SEMA5B: variants seen among roughly 807,000 people sequenced by gnomAD.
SEMA5B encodes semaphorin-5B.
SEMA5B carries 66 observed loss-of-function variants against 135.0 expected under a neutral mutation model. The observed-to-expected ratio is 0.49, with a 90% CI of 0.40 to 0.60. The LOEUF is 0.60. Among genes scored for constraint, SEMA5B ranks in the 20% least tolerant of loss-of-function variants. The pLI is 0.00. For missense variants in SEMA5B, 1,501 were observed against 1,566.3 expected, an observed-to-expected ratio of 0.96 and a Z score of 0.70; for synonymous variants, 690 against 639.5, an observed-to-expected ratio of 1.08 and a Z score of -1.19.
intron 5 of SEMA5B, among the ~76,000 whole-genome samples, chr3:122,931,231 A>G (rs1338271500): frequency 6.6e-6 from 1 of 152,180 alleles, no homozygotes; most frequent in Non-Finnish European, 1.5e-5. Flanking sequence ...GATTTCTAAA[A>G]AATATGTATC....
intron 5 of SEMA5B, among the ~76,000 whole-genome samples, chr3:122,932,437 G>C (rs1356066987): frequency 6.6e-6 from 1 of 151,836 alleles, no homozygotes; most frequent in Admixed American, 6.6e-5. Context: ...TTCGGGCTGT[G>C]AGAAACATCC....
chr3:122,928,471 C>A, intron 7 of SEMA5B, 46 bp downstream of exon 7: 1 of 1,464,696 alleles, frequency 6.8e-7, no homozygotes, highest in South Asian at 1.3e-5. Flanking sequence ...CAGGAGAACC[C>A]CCGGCATGGT....
rs1302032322 is a variant in SEMA5B, at chr3:122,911,548, C to T, written c.3047-13G>A. The T allele has an allele frequency of 1.9e-6, 3 of 1,608,160 alleles. No homozygotes were observed. Among genetic ancestry groups the T allele is most frequent in the South Asian group, 2.2e-5 (2 of 89,512 alleles). ...GCTGGCAGGATGACTGCAGGAAGACCAGTGGACAGGGTGTCAGGGGCGGAG... is the reference window on the plus strand; with the variant it reads ...GCTGGCAGGATGACTGCAGGAAGACTAGTGGACAGGGTGTCAGGGGCGGAG... On this transcript the variant is annotated splice_polypyrimidine_tract_variant and intron_variant, in intron 20 of 22. Coordinates refer to ENST00000357599, the MANE Select transcript of SEMA5B (RefSeq NM_001031702.4).
intron 5 of SEMA5B, among the ~76,000 whole-genome samples, chr3:122,935,686 C>CTTTCTTTTTTTTTTTTTTTTTTTTTTTTT (rs1939233868): frequency 1.1e-4 from 8 of 70,260 alleles, no homozygotes; most frequent in Non-Finnish European, 1.9e-4. Flanking sequence ...TTCTTTCTTT[C>CTTTCTTTTTTTTTTTTTTTTTTTTTTTTT]TTTTTTTTTT....
At chr3:122,985,821 G>A (rs1316557643) in intron 1 of SEMA5B, among the ~76,000 whole-genome samples, 1 of 152,184 alleles carries the variant, frequency 6.6e-6, no homozygotes, top group Non-Finnish European at 1.5e-5. Context: ...TCTACTACAT[G>A]TGAAAAGAAA....
intron 1 of SEMA5B, among the ~76,000 whole-genome samples, chr3:122,984,420 TGCTGTC>T (rs1002011979): frequency 7.2e-5 from 11 of 152,360 alleles, no homozygotes; most frequent in African/African-American, 2.6e-4. Context: ...AACCCCCCTT[TGCTGTC>T]GCTTGTCAGT....
At chr3:122,913,101 A>G in intron 17 of SEMA5B, 40 bp from the exon 18 acceptor site, 2 of 1,416,988 alleles carry the variant, frequency 1.4e-6, no homozygotes, top group East Asian at 2.8e-5. Flanking sequence ...GCGCCCGGCC[A>G]CCCCGACCCC....
intron 2 of SEMA5B, among the ~76,000 whole-genome samples, chr3:122,951,974 C>A (rs1417501344): frequency 5.3e-5 from 8 of 152,228 alleles, no homozygotes; most frequent in Admixed American, 5.2e-4. Context: ...GGCTGCAAGC[C>A]TCCAAGGAAA....
intron 14 of SEMA5B, 147 bp from the exon 15 acceptor site, chr3:122,914,148 T>C: frequency 1.2e-6 from 1 of 815,276 alleles, no homozygotes; most frequent in South Asian, 2.6e-5. Flanking sequence ...ACAGGTCATC[T>C]CAGGCAGACT....
chr3:122,912,719 C>T (rs1937802942), intron 18 of SEMA5B, 124 bp downstream of exon 18: 1 of 966,428 alleles, frequency 1.0e-6, no homozygotes, highest in East Asian at 2.6e-5. Context: ...GTCCCTAGCA[C>T]AGAGTTGGCA....
intron 1 of SEMA5B, among the ~76,000 whole-genome samples, chr3:123,001,648 C>G (rs1942176888): frequency 6.6e-6 from 1 of 152,126 alleles, no homozygotes; most frequent in African/African-American, 2.4e-5. Context: ...GAAGAATGCA[C>G]TTAGACAACA....
intron 1 of SEMA5B, among the ~76,000 whole-genome samples, chr3:123,003,210 C>G (rs1166087620): frequency 6.6e-6 from 1 of 152,154 alleles, no homozygotes; most frequent in Non-Finnish European, 1.5e-5. Flanking sequence ...AAGAAATAAG[C>G]CTACTTCCAA....
At chr3:122,959,362 C>A (rs1469377156) in intron 2 of SEMA5B, among the ~76,000 whole-genome samples, 2 of 152,166 alleles carry the variant, frequency 1.3e-5, no homozygotes, top group African/African-American at 4.8e-5. Context: ...CAGGAGTCTG[C>A]CCCTTACTCA....
At position 122,911,953 on chromosome 3, in the gene SEMA5B, G is replaced by C. The variant is rs1001180924; in HGVS notation, c.3013C>G (p.Gln1005Glu). The change falls in exon 20 of 23, where the codon CAG becomes GAG. Residue 1005 changes from glutamine (Q) to glutamate (E), a missense_variant. Gln to Glu is a conservative substitution (Grantham distance 29). Coordinates refer to ENST00000357599, the MANE Select transcript of SEMA5B (RefSeq NM_001031702.4). ...GSSACAGNSS[Q>E]SRPCPYSEIP... ...TCGCTGTAGGGGCAGGGGCGGCTCT[G>C]GCTGCTGTTTCCAGCACAGGCGCTG... is the stretch of plus-strand genomic sequence containing the variant. 23 of 1,609,006 alleles carry C rather than the reference G, an allele frequency of 1.4e-5. No homozygotes were observed. The highest frequency in any genetic ancestry group is 1.4e-5 in the Non-Finnish European group (16 of 1,176,540).
At chr3:122,987,747 G>C (rs1009833782) in intron 1 of SEMA5B, among the ~76,000 whole-genome samples, 1 of 152,222 alleles carries the variant, frequency 6.6e-6, no homozygotes, top group African/African-American at 2.4e-5. Context: ...TGGGAGAAGA[G>C]AGCCACTGAA....
chr3:122,984,437 C>A (rs1941631962), intron 1 of SEMA5B, among the ~76,000 whole-genome samples: 1 of 152,214 alleles, frequency 6.6e-6, no homozygotes, highest in Non-Finnish European at 1.5e-5. Context: ...GCTTGTCAGT[C>A]GGGGGCTGCC....
rs202139143 is a variant in SEMA5B, at chr3:122,912,921, G to T, written c.2647C>A (p.Pro883Thr). ...FRVRKRTCTN[P>T]EPRNGGLPCV... ...GGCAGGCCCCCGTTGCGGGGCTCCG[G>T]GTTAGTGCACGTTCTCTTGCGGACG... The change falls in exon 18 of 23, where the codon CCG becomes ACG. Residue 883 changes from proline (P) to threonine (T), a missense_variant. Pro to Thr is a conservative substitution (Grantham distance 38). This residue lies in a region of SEMA5B where 927 missense variants were observed against 881.6 expected (regional missense o/e 1.05). Transcript: ENST00000357599. 63 of 1,612,320 alleles carry T rather than the reference G, an allele frequency of 3.9e-5. No individual in the cohort carries two copies. Among genetic ancestry groups the T allele is most frequent in the Non-Finnish European group, 5.0e-5 (59 of 1,179,368 alleles).
intron 1 of SEMA5B, among the ~76,000 whole-genome samples, chr3:123,009,099 T>A (rs954744367): frequency 6.6e-6 from 1 of 152,104 alleles, no homozygotes; most frequent in African/African-American, 2.4e-5. Flanking sequence ...GGCAGGGCAA[T>A]TTCTTTATGG....
At chr3:122,942,080 A>G (rs1939587539) in intron 4 of SEMA5B, among the ~76,000 whole-genome samples, 1 of 152,168 alleles carries the variant, frequency 6.6e-6, no homozygotes, top group Non-Finnish European at 1.5e-5. Context: ...TTTTCACCAT[A>G]TACTCCTTTG....
Sources: gnomAD v4.1 joint callset for allele counts (sites outside exome capture counted in the v4.1 genomes callset) on GRCh38, gnomAD v4.1.1 for gene constraint, gnomAD v4.1.1 regional missense constraint, MANE v1.5 for transcripts, NCBI Gene and HGNC (gene_info 2026-07-23, HGNC 2026-07-21) for gene names.